Variants in KLF12 observed in about 807,000 individuals in gnomAD.
The protein encoded by KLF12 is Krueppel-like factor 12.
A neutral mutation model predicts 37.8 loss-of-function variants in KLF12; 9 were observed. The observed-to-expected ratio is 0.24, with a 90% CI of 0.14 to 0.42. The LOEUF (loss-of-function observed/expected upper bound fraction) is 0.42, where lower values mean the gene tolerates loss of function less well. Ranked by LOEUF, KLF12 falls within the 10% of genes least tolerant of loss-of-function variation. The pLI is 1.00. For missense variants in KLF12, 411 were observed against 516.0 expected (o/e 0.80, Z 1.97); for synonymous variants, 208 against 202.1 (o/e 1.03, Z -0.25).
intron 1 of KLF12, among the ~76,000 whole-genome samples, chr13:74,005,954 A>G (rs1892399695): frequency 6.6e-6 from 1 of 152,180 alleles, no homozygotes; most frequent in Non-Finnish European, 1.5e-5. Flanking sequence ...GATCTGGCTC[A>G]GGGTGCTTCC....
intron 3 of KLF12, among the ~76,000 whole-genome samples, chr13:73,850,727 G>A (rs562566601): frequency 7.2e-5 from 11 of 152,202 alleles, no homozygotes; most frequent in African/African-American, 1.2e-4. Context: ...GCATTCACAC[G>A]TACACACAAG....
chr13:73,940,662 A>C (rs142357678), intron 3 of KLF12, among the ~76,000 whole-genome samples: 3 of 152,368 alleles, frequency 2.0e-5, no homozygotes, highest in Admixed American at 6.5e-5. Context: ...CTGAATAAAT[A>C]ATGTATTCAC....
At chr13:74,298,749 G>C in the KLF12 span, among the ~76,000 whole-genome samples, 1 of 152,196 alleles carries the variant, frequency 6.6e-6, no homozygotes, top group East Asian at 1.9e-4. Context: ...ACGGAAACAT[G>C]GGAAAAATAG....
At chr13:73,743,896 A>G (rs557780903) in intron 6 of KLF12, among the ~76,000 whole-genome samples, 1 of 152,334 alleles carries the variant, frequency 6.6e-6, no homozygotes, top group Admixed American at 6.5e-5. Context: ...GGCTCTTATC[A>G]TTTACTAATT....
chr13:73,970,615 G>A (rs1389208024), intron 2 of KLF12, among the ~76,000 whole-genome samples: 3 of 152,088 alleles, frequency 2.0e-5, no homozygotes, highest in African/African-American at 4.8e-5. Context: ...GCCAACTGGC[G>A]ACATACAGGA....
intron 1 of KLF12, among the ~76,000 whole-genome samples, chr13:74,111,483 T>C (rs1222694237): frequency 6.6e-6 from 1 of 152,330 alleles, no homozygotes; most frequent in African/African-American, 2.4e-5. Context: ...TCAATTTACC[T>C]TCAGAGAATT....
intron 5 of KLF12, among the ~76,000 whole-genome samples, chr13:73,772,102 T>A (rs1292284683): frequency 6.6e-6 from 1 of 152,244 alleles, no homozygotes; most frequent in Non-Finnish European, 1.5e-5. Context: ...CACAGAGCTG[T>A]GCAGCCACAT....
the KLF12 span, among the ~76,000 whole-genome samples, chr13:74,302,768 C>T: frequency 1.8e-4 from 27 of 152,136 alleles, no homozygotes; most frequent in Middle Eastern, 3.4e-3. Flanking sequence ...AGCAGGGAGC[C>T]CTCAGCCTTC....
intron 4 of KLF12, among the ~76,000 whole-genome samples, chr13:73,833,208 T>C (rs1359545511): frequency 6.6e-6 from 1 of 152,184 alleles, no homozygotes; most frequent in Non-Finnish European, 1.5e-5. Flanking sequence ...AGGTAAAATA[T>C]TTTACCTGAG....
chr13:73,806,728 TTATC>T (rs958958921), intron 5 of KLF12, among the ~76,000 whole-genome samples: 1 of 151,974 alleles, frequency 6.6e-6, no homozygotes, highest in African/African-American at 2.4e-5. Context: ...CTCCGCTTCT[TTATC>T]TGTAGGATAC....
chr13:73,751,305 GAGA>G (rs1878741836), intron 6 of KLF12, among the ~76,000 whole-genome samples: 1 of 152,106 alleles, frequency 6.6e-6, no homozygotes, highest in Admixed American at 6.6e-5. Context: ...TTAGCTCTTT[GAGA>G]AATGTTCGTA....
chr13:74,005,204 G>A (rs911282677), intron 1 of KLF12, among the ~76,000 whole-genome samples: 4 of 151,820 alleles, frequency 2.6e-5, no homozygotes, highest in Non-Finnish European at 5.9e-5. Flanking sequence ...ATCTCAATAA[G>A]GTAACCAAAT....
At chr13:73,789,807 G>T (rs1881565964) in intron 5 of KLF12, among the ~76,000 whole-genome samples, 1 of 151,996 alleles carries the variant, frequency 6.6e-6, no homozygotes, top group African/African-American at 2.4e-5. Context: ...CTCCCGAGTA[G>T]CTGGGACTAC....
At chr13:74,175,037 G>T in the KLF12 span, among the ~76,000 whole-genome samples, 1 of 152,202 alleles carries the variant, frequency 6.6e-6, no homozygotes, top group East Asian at 1.9e-4. Flanking sequence ...CACTGCAGAT[G>T]CCACAAGCAT....
chr13:74,197,291 A>T, the KLF12 span, among the ~76,000 whole-genome samples: 1 of 152,308 alleles, frequency 6.6e-6, no homozygotes, highest in South Asian at 2.1e-4. Flanking sequence ...AGGCAATTTT[A>T]CAAAATTGCA....
At chr13:73,989,215 A>G (rs1407170118) in intron 2 of KLF12, among the ~76,000 whole-genome samples, 1 of 152,254 alleles carries the variant, frequency 6.6e-6, no homozygotes, top group African/African-American at 2.4e-5. Context: ...GTGAGAGTTA[A>G]AAGTCACAAA....
intron 1 of KLF12, among the ~76,000 whole-genome samples, chr13:74,001,740 A>C (rs1040350087): frequency 6.6e-6 from 1 of 152,248 alleles, no homozygotes; most frequent in Admixed American, 6.5e-5. Flanking sequence ...CTTTTGAATT[A>C]ATTCATGTGA....
chr13:73,709,888 C>T (rs1875232516), intron 7 of KLF12, among the ~76,000 whole-genome samples: 1 of 152,070 alleles, frequency 6.6e-6, no homozygotes, highest in South Asian at 2.1e-4. Context: ...TTGAACGCAT[C>T]CCATTCAATA....
At chr13:73,934,636 C>T (rs952366699) in intron 3 of KLF12, among the ~76,000 whole-genome samples, 1 of 152,048 alleles carries the variant, frequency 6.6e-6, no homozygotes, top group African/African-American at 2.4e-5. Context: ...TGCCCCCTGG[C>T]TGCTTTTAAG....
Sources: gnomAD v4.1 joint callset for allele counts (sites outside exome capture counted in the v4.1 genomes callset) on GRCh38, gnomAD v4.1.1 for gene constraint, MANE v1.5 for transcripts, NCBI Gene and HGNC (gene_info 2026-07-23, HGNC 2026-07-21) for gene names.